GRHL3: variants seen among roughly 807,000 people sequenced by gnomAD.
The protein encoded by GRHL3 is grainyhead-like protein 3 homolog.
Under a neutral mutation model 70.3 loss-of-function variants are expected in GRHL3, and 20 were observed. That is an observed-to-expected ratio of 0.28 (90% CI 0.20 to 0.41). The LOEUF is 0.41. Among genes scored for constraint, GRHL3 ranks in the 10% least tolerant of loss-of-function variants. The pLI, the probability that GRHL3 is intolerant of heterozygous loss-of-function variation, is 1.00. For missense variants in GRHL3, 637 were observed against 762.3 expected, an observed-to-expected ratio of 0.84 and a Z score of 1.94; for synonymous variants, 299 against 299.9, an observed-to-expected ratio of 1.00 and a Z score of 0.03.
At chr1:24,354,345 T>A in intron 15 of GRHL3, 29 bp from the exon 16 acceptor site, 3 of 1,539,458 alleles carry the variant, frequency 1.9e-6, no homozygotes, top group African/African-American at 2.7e-5. Flanking sequence ...GCCTGCTGTG[T>A]TCCAACCACA....
intron 8 of GRHL3, among the ~76,000 whole-genome samples, chr1:24,340,036 G>A (rs776012783): frequency 1.3e-5 from 2 of 152,138 alleles, no homozygotes; most frequent in Non-Finnish European, 2.9e-5. Context: ...AATAGGAGTG[G>A]CATCATAGTA....
chr1:24,319,673 A>G (rs1373701659), intron 1 of GRHL3, 105 bp downstream of exon 1: 25 of 1,607,402 alleles, frequency 1.6e-5, no homozygotes, highest in Non-Finnish European at 2.1e-5. Flanking sequence ...TTCACAGAGC[A>G]ATTTGTAAGG....
chr1:24,339,573 C>T, intron 7 of GRHL3, 95 bp from the exon 8 acceptor site: 1 of 786,820 alleles, frequency 1.3e-6, no homozygotes, highest in South Asian at 1.9e-5. Flanking sequence ...GAAACCACGC[C>T]CGGCCGAGTG....
At chr1:24,357,615 C>T (rs551510050), downstream of GRHL3, 340 of 161,420 alleles carry the variant, frequency 2.1e-3, 1 homozygote, top group Non-Finnish European at 3.7e-3. Context: ...TGTAACCTCT[C>T]GGTATCTGGC....
chr1:24,325,608 T>C (rs1639360039), intron 1 of GRHL3, among the ~76,000 whole-genome samples: 4 of 152,160 alleles, frequency 2.6e-5, no homozygotes, highest in Admixed American at 2.6e-4. Context: ...CACTCTAGAC[T>C]TTCACCATCC....
intron 11 of GRHL3, among the ~76,000 whole-genome samples, chr1:24,344,656 A>G (rs1640174573): frequency 6.6e-6 from 1 of 151,964 alleles, no homozygotes; most frequent in Non-Finnish European, 1.5e-5. Flanking sequence ...ACATGGCTTT[A>G]GCACCTCCTG....
At position 24,342,737 on chromosome 1, in the gene GRHL3, G is replaced by A. The variant is rs367619721; in HGVS notation, c.1250G>A (p.Arg417Gln). 33 of 1,614,100 alleles carry A rather than the reference G, an allele frequency of 2.0e-5. No homozygotes were observed. Among genetic ancestry groups the A allele is most frequent in the East Asian group, 4.5e-5 (2 of 44,890 alleles). ...KMRDDERKQF[R>Q]RKVKCPDSSN... ...CGCGATGACGAGCGGAAGCAGTTCC[G>A]GAGGAAGGTCAAGTGCCCTGACTCC... The change falls in exon 10 of 16, where the codon CGG (arginine) becomes CAG (glutamine). Residue 417 changes from arginine (R) to glutamine (Q), a missense_variant. Arg to Gln is a conservative substitution (Grantham distance 43). Transcript: ENST00000361548. This position sits in a 1 kb window ranked among gnomAD's most constrained non-coding sequence, Gnocchi z 4.8.
rs1445434324 is a variant in GRHL3 at position 24,343,003 on chromosome 1, C to T, written c.1397C>T (p.Ser466Phe). ...PVLFIPNVHF[S>F]SLQRSGGAAP... ...CTGTTCATCCCCAATGTGCACTTCT[C>T]CAGCCTGCAGCGCTCTGGAGGGGTG... Residue 466 changes from serine to phenylalanine, a missense_variant, in exon 11 of 16, where the codon TCC becomes TTC. Ser to Phe is a radical substitution (Grantham distance 155, BLOSUM62 -2). Coordinates refer to ENST00000361548, the MANE Select transcript of GRHL3 (RefSeq NM_198173.3). 2 of 1,614,024 alleles carry T rather than the reference C, an allele frequency of 1.2e-6. No homozygotes were observed. Among genetic ancestry groups the T allele is most frequent in the Non-Finnish European group, 1.7e-6 (2 of 1,180,030 alleles).
At chr1:24,340,807 A>C (rs1640007723) in intron 8 of GRHL3, among the ~76,000 whole-genome samples, 1 of 152,148 alleles carries the variant, frequency 6.6e-6, no homozygotes, top group African/African-American at 2.4e-5. Flanking sequence ...TCAGACTGGC[A>C]CCGGGCTGGA....
At chr1:24,341,816 C>T (rs1418581631) in intron 8 of GRHL3, among the ~76,000 whole-genome samples, 2 of 152,222 alleles carry the variant, frequency 1.3e-5, no homozygotes, top group African/African-American at 4.8e-5. Context: ...CTTGGGCTGC[C>T]CTTGGCAGTC....
intron 1 of GRHL3, among the ~76,000 whole-genome samples, chr1:24,325,069 G>GC (rs34493159): frequency 0.2 from 29,899 of 152,072 alleles, 3,249 homozygotes; most frequent in African/African-American, 0.29. Flanking sequence ...TTGTGTCAGG[G>GC]CCTCCCTGTG....
rs1640100444 is a variant in GRHL3, at chr1:24,342,859, C to A, written c.1286-33C>A. 2 of 1,614,134 alleles carry A rather than the reference C, an allele frequency of 1.2e-6. No homozygotes were observed. The highest frequency in any genetic ancestry group is 2.2e-5 in the East Asian group (1 of 44,890). On this transcript the variant is annotated intron_variant, in intron 10 of 15. Transcript: ENST00000361548. This position sits in a 1 kb window ranked among gnomAD's most constrained non-coding sequence, Gnocchi z 4.8. ...GGTGGGAGGGACTTGAGTGGAGGGA[C>A]CTCGGGGCACATTGGCTTCCTTCTC...
intron 7 of GRHL3, among the ~76,000 whole-genome samples, chr1:24,338,697 G>A (rs1179375368): frequency 6.6e-6 from 1 of 152,220 alleles, no homozygotes; most frequent in Non-Finnish European, 1.5e-5. Flanking sequence ...TAGCAGCTAT[G>A]TGCCCTGGGG....
chr1:24,330,387 G>A (rs1361093056), intron 1 of GRHL3, among the ~76,000 whole-genome samples: 1 of 152,206 alleles, frequency 6.6e-6, no homozygotes, highest in African/African-American at 2.4e-5. Flanking sequence ...CACCCTGAAG[G>A]AGCTTGAATC....
Position 24,339,900 on chromosome 1 carries a change from G to C in GRHL3, c.1047+138G>C, listed in dbSNP as rs147546352. ...CATGGAGGAGGCAGGATGCAGTGTA[G>C]TATGGAAGCTTGGGCTTTGGAGCCA... On this transcript the variant is annotated intron_variant, in intron 8 of 15. Transcript: ENST00000361548. 7.4e-5 allele frequency: 39 copies of C among 529,468 alleles called. No individual in the cohort carries two copies. In the East Asian group the frequency reaches 1.1e-3, roughly 15 times the overall value. The allele number at this position is 529,468 out of a possible 1,614,324, so 32.8% of individuals were successfully genotyped here. A position where few individuals can be genotyped will look rare whatever the true frequency, so the allele number is the denominator to read the frequency against.
chr1:24,355,906 T>C (rs1640700659), downstream of GRHL3, among the ~76,000 whole-genome samples: 2 of 151,840 alleles, frequency 1.3e-5, no homozygotes, highest in South Asian at 4.1e-4. Context: ...ATCTTTTTTT[T>C]TTTTTTTTTC....
intron 1 of GRHL3, among the ~76,000 whole-genome samples, chr1:24,324,914 C>T (rs922584549): frequency 1.3e-5 from 2 of 152,136 alleles, no homozygotes; most frequent in Non-Finnish European, 2.9e-5. Context: ...GAGCCCCCAG[C>T]CCATGTGACG....
chr1:24,325,277 A>G (rs1465161916), intron 1 of GRHL3, among the ~76,000 whole-genome samples: 1 of 151,968 alleles, frequency 6.6e-6, no homozygotes, highest in East Asian at 1.9e-4. Context: ...GGAGCTTGAG[A>G]CCACCTCCTT....
chr1:24,348,314 TCTC>T (rs1640372415), intron 14 of GRHL3, among the ~76,000 whole-genome samples: 1 of 152,132 alleles, frequency 6.6e-6, no homozygotes. Flanking sequence ...ACTATTCGTA[TCTC>T]CTCATTTCCC....
Sources: allele counts gnomAD v4.1 joint callset (sites outside exome capture counted in the v4.1 genomes callset), GRCh38; gene constraint gnomAD v4.1.1; non-coding constraint Gnocchi (gnomAD v3.1); transcripts MANE v1.5; gene names NCBI Gene and HGNC (gene_info 2026-07-23, HGNC 2026-07-21).